AVEN: variants seen among roughly 807,000 people sequenced by gnomAD.
The protein encoded by AVEN is apoptosis and caspase activation inhibitor, also known as cell death regulator Aven.
In AVEN, 41 loss-of-function variants were observed where a neutral mutation model predicts 38.1. That is an observed-to-expected ratio of 1.08 (90% CI 0.84 to 1.40). AVEN has a LOEUF of 1.40. AVEN is among the 40% of genes most tolerant of loss of function. The pLI, the probability that AVEN is intolerant of heterozygous loss-of-function variation, is 0.00. For synonymous variants in AVEN, 206 were observed against 171.8 expected, an observed-to-expected ratio of 1.20 and a Z score of -1.56; for missense variants, 605 against 438.8, an observed-to-expected ratio of 1.38 and a Z score of -3.38.
intron 11 of AVEN, chr15:33,860,605 T>A: frequency 6.3e-7 from 1 of 1,586,808 alleles, no homozygotes; most frequent in African/African-American, 1.3e-5. Context: ...GTCTTATTAT[T>A]GATGCTTTCG....
chr15:33,926,061 G>T (rs1044795089), intron 2 of AVEN, among the ~76,000 whole-genome samples: 1 of 152,152 alleles, frequency 6.6e-6, no homozygotes, highest in Non-Finnish European at 1.5e-5. Context: ...TAGTTTTTCA[G>T]ATGGCAGGGG....
At chr15:33,853,530 C>T in the AVEN span, 5 of 1,610,940 alleles carry the variant, frequency 3.1e-6, no homozygotes, top group South Asian at 4.4e-5. Context: ...GTGGCCTGAG[C>T]TCACCCTGTC....
intron 2 of AVEN, among the ~76,000 whole-genome samples, chr15:33,896,786 T>A (rs1892250412): frequency 6.6e-6 from 1 of 152,222 alleles, no homozygotes; most frequent in African/African-American, 2.4e-5. Context: ...TCAAATCTGT[T>A]AAATGTTCCT....
rs568427233 is a variant in AVEN at position 33,978,075 on chromosome 15, C to G, written c.445+24957G>C. On this transcript the variant is annotated intron_variant, in intron 2 of 5. Coordinates refer to ENST00000306730, the MANE Select transcript of AVEN (RefSeq NM_020371.3). ...AGAGAGGTAGGGAGGGAGGGAGGAC[C>G]ATTTCAAAAGTCACTATGTCTATAT... 2.6e-5 allele frequency among the ~76,000 whole-genome samples: 4 copies of G among 151,898 alleles called. No homozygotes were observed. The East Asian group carries it at 7.7e-4, about 29-fold the overall frequency.
intron 2 of AVEN, among the ~76,000 whole-genome samples, chr15:33,986,395 C>G (rs972155411): frequency 6.6e-6 from 1 of 152,008 alleles, no homozygotes; most frequent in Non-Finnish European, 1.5e-5. Context: ...AGGCGTAAGC[C>G]ACCGCGCCCG....
intron 2 of AVEN, among the ~76,000 whole-genome samples, chr15:33,996,823 C>T (rs1354340917): frequency 2.0e-5 from 3 of 152,222 alleles, no homozygotes; most frequent in Admixed American, 2.0e-4. Context: ...CAGCTCCTCG[C>T]TAGCAAGAGA....
intron 2 of AVEN, among the ~76,000 whole-genome samples, chr15:33,998,275 C>T (rs1897014238): frequency 6.6e-6 from 1 of 152,034 alleles, no homozygotes; most frequent in African/African-American, 2.4e-5. Flanking sequence ...GATTTTTGTC[C>T]CCTTTTCTGG....
intron 1 of AVEN, among the ~76,000 whole-genome samples, chr15:34,072,329 T>C (rs1597399428): frequency 6.6e-6 from 1 of 150,568 alleles, no homozygotes; most frequent in Non-Finnish European, 1.5e-5. Context: ...AAAAATTACC[T>C]GGGCCGGGCG....
rs910197323 is a variant in AVEN at position 33,901,977 on chromosome 15, T to C, written c.446-25982A>G. Among the ~76,000 whole-genome samples the C allele has an allele frequency of 4.6e-5, 7 of 152,306 alleles. 1 individual carries two copies. The South Asian group carries it at 1.4e-3, about 32-fold the overall frequency. ...CCTAGCCCATAGGTTGCCTTTCCAT[T>C]TTGTTGACTGGTTTTTTGTTTTGTT... is the stretch of plus-strand genomic sequence containing the variant. On this transcript the variant is annotated intron_variant, in intron 2 of 5. Transcript: ENST00000306730.
chr15:34,068,759 A>G (rs1182549297), intron 2 of AVEN, among the ~76,000 whole-genome samples: 2 of 151,648 alleles, frequency 1.3e-5, no homozygotes, highest in Non-Finnish European at 2.9e-5. Flanking sequence ...TAATCTGTCT[A>G]CAGCTTTTCT....
intron 5 of AVEN, among the ~76,000 whole-genome samples, chr15:34,049,295 G>T (rs915169027): frequency 6.6e-6 from 1 of 152,156 alleles, no homozygotes; most frequent in Non-Finnish European, 1.5e-5. Context: ...ATGCAAGGGA[G>T]CTATGAATCA....
chr15:33,902,417 CA>C (rs1468781456), intron 2 of AVEN, among the ~76,000 whole-genome samples: 1 of 152,158 alleles, frequency 6.6e-6, no homozygotes, highest in African/African-American at 2.4e-5. Flanking sequence ...ACAGTTTAAG[CA>C]TACAAGAAAA....
intron 1 of AVEN, among the ~76,000 whole-genome samples, chr15:34,029,900 C>T (rs1898690575): frequency 6.6e-6 from 1 of 152,172 alleles, no homozygotes; most frequent in Non-Finnish European, 1.5e-5. Flanking sequence ...TTGAAACATT[C>T]TAGTCCTCAA....
intron 5 of AVEN, among the ~76,000 whole-genome samples, chr15:34,059,706 C>A (rs1356184754): frequency 6.6e-6 from 1 of 152,212 alleles, no homozygotes; most frequent in African/African-American, 2.4e-5. Flanking sequence ...GCATCCCCAG[C>A]CTCCACCCAC....
intron 2 of AVEN, among the ~76,000 whole-genome samples, chr15:33,964,298 T>C (rs529836525): frequency 4.6e-5 from 7 of 152,254 alleles, no homozygotes; most frequent in Non-Finnish European, 1.0e-4. Flanking sequence ...AGTGGTTGTC[T>C]GCAGTTCAGT....
intron 2 of AVEN, among the ~76,000 whole-genome samples, chr15:33,951,246 C>G (rs754902122): frequency 4.6e-5 from 7 of 152,128 alleles, no homozygotes; most frequent in Non-Finnish European, 8.8e-5. Context: ...TTTTTAGTCT[C>G]TCAGGTACGC....
chr15:33,986,620 T>C (rs1896481742), intron 2 of AVEN, among the ~76,000 whole-genome samples: 1 of 152,122 alleles, frequency 6.6e-6, no homozygotes, highest in Non-Finnish European at 1.5e-5. Flanking sequence ...ATACACAGGA[T>C]ATAATAGATC....
At chr15:34,033,905 A>T (rs1597374740) in intron 1 of AVEN, among the ~76,000 whole-genome samples, 1 of 152,236 alleles carries the variant, frequency 6.6e-6, no homozygotes, top group East Asian at 1.9e-4. Flanking sequence ...CTCCCGCCTC[A>T]GCCTCCCAAG....
intron 1 of AVEN, 40 bp downstream of exon 1, chr15:34,038,740 G>A: frequency 1.8e-6 from 2 of 1,142,226 alleles, no homozygotes; most frequent in Non-Finnish European, 2.1e-6. Context: ...ACTTGCCCCA[G>A]TTACACGCGG....
Sources: gnomAD v4.1 joint callset for allele counts (sites outside exome capture counted in the v4.1 genomes callset) on GRCh38, gnomAD v4.1.1 for gene constraint, MANE v1.5 for transcripts, NCBI Gene and HGNC (gene_info 2026-07-23, HGNC 2026-07-21) for gene names.